The following CCDC158 variants were observed in gnomAD, a reference collection of about 807,000 sequenced individuals.
CCDC158 encodes coiled-coil domain containing 158.
A neutral mutation model predicts 138.6 loss-of-function variants in CCDC158; 116 were observed. The ratio of observed to expected loss-of-function variants is 0.84; its 90% CI spans 0.72 to 0.98. The LOEUF (loss-of-function observed/expected upper bound fraction) is 0.98, where lower values mean the gene tolerates loss of function less well. CCDC158 is among the 50% of genes least tolerant of loss of function. The pLI is 0.00. For synonymous variants in CCDC158, 436 were observed against 442.4 expected (o/e 0.99, Z 0.18); for missense variants, 1,265 against 1,306.1 (o/e 0.97, Z 0.48).
intron 3 of CCDC158, among the ~76,000 whole-genome samples, chr4:76,402,686 T>C (rs11943403): frequency 0.22 from 33,772 of 152,072 alleles, 3,941 homozygotes; most frequent in Middle Eastern, 0.29. Flanking sequence ...TCAGAGGTGA[T>C]GGGGGCCTGA....
intron 22 of CCDC158, among the ~76,000 whole-genome samples, chr4:76,327,688 TTGACCAAAACATTAC>T (rs1338508696): frequency 1.3e-5 from 2 of 152,202 alleles, no homozygotes; most frequent in Non-Finnish European, 2.9e-5. Flanking sequence ...GACATGGTCA[TTGACCAAAACATTAC>T]GCAGCACATG....
At chr4:76,393,531 A>G (rs149961588) in intron 4 of CCDC158, among the ~76,000 whole-genome samples, 1 of 152,182 alleles carries the variant, frequency 6.6e-6, no homozygotes, top group East Asian at 1.9e-4. Context: ...ATGAAACTCT[A>G]TGAGAAAACA....
intron 12 of CCDC158, among the ~76,000 whole-genome samples, chr4:76,365,651 T>G (rs1279371138): frequency 6.6e-6 from 1 of 152,184 alleles, no homozygotes; most frequent in African/African-American, 2.4e-5. Context: ...TTCCCAGCTC[T>G]CTCTGAAGCT....
chr4:76,375,533 T>G lies in CCDC158; in HGVS notation c.1029+3757A>C, dbSNP rs1052184448. 1.1e-5 allele frequency: 8 copies of G among 701,946 alleles called. No homozygotes were observed. In the Admixed American group the frequency reaches 1.4e-4, roughly 12 times the overall value. The allele number at this position is 701,946 out of a possible 1,614,324, so 43.5% of individuals were successfully genotyped here. A position where few individuals can be genotyped will look rare whatever the true frequency, so the allele number is the denominator to read the frequency against. On this transcript the variant is annotated intron_variant, in intron 9 of 24. Coordinates refer to ENST00000682701, the MANE Select transcript of CCDC158 (RefSeq NM_001394954.1). ...TGCTACTAAATCATCACTTTTTTAA[T>G]ACAAAATTCAGCCCCAACTGCTTTC... is the stretch of plus-strand genomic sequence containing the variant.
chr4:76,409,921 A>C (rs1250719034), intron 2 of CCDC158, among the ~76,000 whole-genome samples: 1 of 151,768 alleles, frequency 6.6e-6, no homozygotes, highest in Non-Finnish European at 1.5e-5. Flanking sequence ...AAAAAAAAAA[A>C]GGTCTAAGAA....
chr4:76,343,948 G>C (rs2870226), intron 18 of CCDC158, among the ~76,000 whole-genome samples: 130,077 of 152,200 alleles, frequency 0.85, 55,709 homozygotes, highest in South Asian at 0.94. Context: ...TGGCACAAGA[G>C]AAGGATGCCC....
Position 76,384,158 on chromosome 4 carries a change from C to A in CCDC158, c.656G>T (p.Gly219Val). ...TCTTAGTATTTTACTAATAGCTGAG[C>A]CCAAGCTGCGGAAGTGCAGAGTAGA... Reference protein sequence around the residue: ...SMSTLHFRSLGSAISKILREL... With the variant: ...SMSTLHFRSLVSAISKILREL... The change falls in exon 6 of 25, where the codon GGC becomes GTC. Residue 219 changes from glycine to valine, a missense_variant. By Grantham distance (109) the Gly-to-Val change is moderately radical. Transcript: ENST00000682701. 2 of 1,614,028 alleles carry A rather than the reference C, an allele frequency of 1.2e-6. No homozygotes were observed. Among genetic ancestry groups the A allele is most frequent in the Non-Finnish European group, 1.7e-6 (2 of 1,179,968 alleles).
At chr4:76,345,093 G>T (rs1722413250) in intron 18 of CCDC158, 7 of 1,279,652 alleles carry the variant, frequency 5.5e-6, no homozygotes, top group Admixed American at 1.7e-5. Flanking sequence ...CATAAAAATT[G>T]TTGCCGATGT....
intron 13 of CCDC158, among the ~76,000 whole-genome samples, chr4:76,359,905 C>T (rs563091976): frequency 5.1e-4 from 77 of 152,326 alleles, no homozygotes; most frequent in African/African-American, 1.8e-3. Context: ...ATGTTCATAG[C>T]TAAGACAATG....
At position 76,403,261 on chromosome 4, in the gene CCDC158, T is replaced by C; in HGVS notation, c.-54A>G. ...TCTTGAAGTATGAATGGTTCCCTCT[T>C]TGGTTCTTTTGGTTCCTGTCTATGA... On this transcript the variant is annotated 5_prime_UTR_variant, in exon 3 of 25. Coordinates refer to ENST00000682701, the MANE Select transcript of CCDC158 (RefSeq NM_001394954.1). The C allele has an allele frequency of 1.7e-6, 2 of 1,176,318 alleles. No individual in the cohort carries two copies. Among genetic ancestry groups the C allele is most frequent in the Non-Finnish European group, 2.5e-6 (2 of 813,746 alleles). 72.9% of individuals were successfully genotyped at this position (1,176,318 alleles called of 1,614,324 possible). A position where few individuals can be genotyped will look rare whatever the true frequency, so the allele number is the denominator to read the frequency against.
chr4:76,327,012 T>G (rs1720592672), intron 22 of CCDC158, among the ~76,000 whole-genome samples: 1 of 152,148 alleles, frequency 6.6e-6, no homozygotes, highest in African/African-American at 2.4e-5. Flanking sequence ...ATTCATATTT[T>G]TAATTAAAAT....
intron 7 of CCDC158, 75 bp downstream of exon 7, chr4:76,383,587 G>C: frequency 9.9e-7 from 1 of 1,015,104 alleles, no homozygotes; most frequent in Non-Finnish European, 1.6e-6. Context: ...TTTAGATTTT[G>C]GAATTGTGGC....
intron 8 of CCDC158, among the ~76,000 whole-genome samples, chr4:76,379,743 TACACACACACACAC>T (rs34043671): frequency 7.5e-5 from 11 of 147,080 alleles, no homozygotes; most frequent in East Asian, 6.0e-4. Context: ...TCATATATAT[TACACACACACACAC>T]ACACACACAC....
intron 13 of CCDC158, 90 bp downstream of exon 13, chr4:76,362,036 C>T: frequency 2.1e-6 from 2 of 955,404 alleles, no homozygotes; most frequent in Non-Finnish European, 1.6e-6. Context: ...GTGAGTGAGA[C>T]ACCCTTCTTT....
chr4:76,357,293 C>A, intron 14 of CCDC158, 81 bp downstream of exon 14: 2 of 913,798 alleles, frequency 2.2e-6, no homozygotes, highest in Non-Finnish European at 3.2e-6. Context: ...TGGTAGGTAA[C>A]GTATTTGAGT....
At chr4:76,331,720 G>A (rs879056662) in intron 20 of CCDC158, among the ~76,000 whole-genome samples, 2 of 152,082 alleles carry the variant, frequency 1.3e-5, no homozygotes, top group Admixed American at 1.3e-4. Flanking sequence ...TTGATTAGAG[G>A]ATAATACAGG....
In CCDC158 at chr4:76,384,546, A is replaced by G; in HGVS notation, c.398+10T>C. The G allele has an allele frequency of 1.3e-6, 2 of 1,596,902 alleles. No individual in the cohort carries two copies. The highest frequency in any genetic ancestry group is 1.7e-6 in the Non-Finnish European group (2 of 1,173,080). On this transcript the variant is annotated intron_variant, in intron 5 of 24. Coordinates refer to ENST00000682701, the MANE Select transcript of CCDC158 (RefSeq NM_001394954.1). ...ATATGTGACTTTAAAATAATTTCAC[A>G]AATCCCAACCTGATGTCAGCCATAG...
At chr4:76,322,856 C>T (rs1720157691) in intron 24 of CCDC158, among the ~76,000 whole-genome samples, 1 of 152,170 alleles carries the variant, frequency 6.6e-6, no homozygotes, top group Non-Finnish European at 1.5e-5. Context: ...CGTTGGGTGG[C>T]ATAGTGTCTT....
At position 76,350,972 on chromosome 4, in the gene CCDC158, T is replaced by C. The variant is rs370600320; in HGVS notation, c.2664+24A>G. Reference sequence around the variant, plus strand: ...ACTTACGCATATGTCATTTGCGTAATGGATCATAAGACTGGTTACTTACAT... The same window carrying C: ...ACTTACGCATATGTCATTTGCGTAACGGATCATAAGACTGGTTACTTACAT... On this transcript the variant is annotated intron_variant, in intron 18 of 24. Transcript: ENST00000682701. 11 of 1,606,164 alleles carry C rather than the reference T, an allele frequency of 6.8e-6. No homozygotes were observed. In the African/African-American group the frequency reaches 9.4e-5, roughly 14 times the overall value.
Sources: gnomAD v4.1 joint callset for allele counts (sites outside exome capture counted in the v4.1 genomes callset) on GRCh38, gnomAD v4.1.1 for gene constraint, MANE v1.5 for transcripts, NCBI Gene and HGNC (gene_info 2026-07-23, HGNC 2026-07-21) for gene names.